Variants in GOLGA3 observed in about 807,000 individuals in gnomAD.
The protein encoded by GOLGA3 is golgin subfamily A member 3.
GOLGA3 carries 75 observed loss-of-function variants against 169.4 expected under a neutral mutation model. The ratio of observed to expected loss-of-function variants is 0.44; its 90% CI spans 0.37 to 0.54. The LOEUF (loss-of-function observed/expected upper bound fraction) is 0.54, where lower values mean the gene tolerates loss of function less well. Among genes scored for constraint, GOLGA3 ranks in the 20% least tolerant of loss-of-function variants. GOLGA3 has a pLI of 0.00. For missense variants in GOLGA3, 1,899 were observed against 1,930.0 expected (o/e 0.98, Z 0.30); for synonymous variants, 824 against 822.4 (o/e 1.00, Z -0.03).
At chr12:132,807,376 T>C (rs1331383248) in intron 5 of GOLGA3, 88 bp from the exon 6 acceptor site, 2 of 658,250 alleles carry the variant, frequency 3.0e-6, no homozygotes, top group African/African-American at 1.8e-5. Flanking sequence ...CACACACCCC[T>C]GCTGCTCTCT....
At chr12:132,793,873 G>T (rs990599390) in intron 11 of GOLGA3, among the ~76,000 whole-genome samples, 1 of 152,170 alleles carries the variant, frequency 6.6e-6, no homozygotes, top group Admixed American at 6.5e-5. Flanking sequence ...CACATGGGGC[G>T]GCCGACTCCA....
Position 132,795,984 on chromosome 12 carries a change from C to T in GOLGA3, c.2337G>A (p.Glu779=). The T allele has an allele frequency of 6.2e-7, 1 of 1,613,776 alleles. No individual in the cohort carries two copies. Among genetic ancestry groups the T allele is most frequent in the Non-Finnish European group, 8.5e-7 (1 of 1,180,034 alleles). ...CLLQNEKIIL[E]AALQAAKSGK... ...CACTCTTGGCCGCCTGCAAAGCCGC[C>T]TCCAAGATGATCTTCTCGTTCTGCA... Residue 779 remains glutamate, a synonymous_variant, in exon 11 of 24, where the codon GAG becomes GAA. Coordinates refer to ENST00000450791, the MANE Select transcript of GOLGA3 (RefSeq NM_001389683.1).
Position 132,816,631 on chromosome 12 carries a change from C to T in GOLGA3, c.315G>A (p.Arg105=). Residue 105 remains arginine (R), a synonymous_variant, in exon 3 of 24, where the codon AGG becomes AGA. Coordinates refer to ENST00000450791, the MANE Select transcript of GOLGA3 (RefSeq NM_001389683.1). ...CCTCAGCACTAGTTCCCTGAGACTTCCTTAGGTTGTCATGGAAACCAGCCA... is the reference window on the plus strand; with the variant it reads ...CCTCAGCACTAGTTCCCTGAGACTTTCTTAGGTTGTCATGGAAACCAGCCA... ...PGVAGFHDNL[R]KSQGTSAEGS... is the part of the protein sequence containing the mutation. 1 of 1,614,154 alleles carries T rather than the reference C, an allele frequency of 6.2e-7. No homozygotes were observed. The highest frequency in any genetic ancestry group is 8.5e-7 in the Non-Finnish European group (1 of 1,179,990).
At chr12:132,788,092 C>G (rs1003281728) in intron 13 of GOLGA3, among the ~76,000 whole-genome samples, 1 of 152,026 alleles carries the variant, frequency 6.6e-6, no homozygotes, top group African/African-American at 2.4e-5. Context: ...GCTGAGTCCT[C>G]CAAGCCTCCT....
Position 132,777,825 on chromosome 12 carries a change from G to A in GOLGA3, c.3583-20C>T, listed in dbSNP as rs765841270. ...AGCCACCTAGGAGGAAGGAAGCCACGTTGTCCATGCCCTGCGTGACACCCA... is the reference window on the plus strand; with the variant it reads ...AGCCACCTAGGAGGAAGGAAGCCACATTGTCCATGCCCTGCGTGACACCCA... On this transcript the variant is annotated intron_variant, in intron 18 of 23. Coordinates refer to ENST00000450791, the MANE Select transcript of GOLGA3 (RefSeq NM_001389683.1). The surrounding 1 kb of genome is among the most constrained non-coding windows in gnomAD (Gnocchi z 4.7). The A allele has an allele frequency of 6.4e-5, 103 of 1,612,692 alleles. No homozygotes were observed. The Admixed American group carries it at 1.3e-3, about 21-fold the overall frequency.
At chr12:132,815,355 C>T (rs769999176) in intron 3 of GOLGA3, among the ~76,000 whole-genome samples, 2 of 152,196 alleles carry the variant, frequency 1.3e-5, no homozygotes, top group South Asian at 2.1e-4. Flanking sequence ...AAGGTGTGCA[C>T]GTAGACCCAG....
chr12:132,787,542 C>T (rs1168591009), intron 13 of GOLGA3, among the ~76,000 whole-genome samples: 15 of 140,284 alleles, frequency 1.1e-4, no homozygotes, highest in African/African-American at 3.8e-4. Flanking sequence ...CCAGACCCCT[C>T]CCCCAGAGCC....
Position 132,773,027 on chromosome 12 carries a change from C to A in GOLGA3, c.*78G>T. ...ACTTAAATTTCATGTCTTAGAAAAA[C>A]ATCGACCACACAATCAAATAAATAA... On this transcript the variant is annotated 3_prime_UTR_variant, in exon 24 of 24. Transcript: ENST00000450791. 1 of 1,080,570 alleles carries A rather than the reference C, an allele frequency of 9.3e-7. No homozygotes were observed. The highest frequency in any genetic ancestry group is 1.7e-5 in the South Asian group (1 of 58,778). 66.9% of individuals were successfully genotyped at this position (1,080,570 alleles called of 1,614,324 possible).
At chr12:132,807,100 A>C (rs954580688) in intron 6 of GOLGA3, 77 bp downstream of exon 6, 16 of 827,808 alleles carry the variant, frequency 1.9e-5, no homozygotes, top group Non-Finnish European at 3.2e-5. Flanking sequence ...CATCTGTGAA[A>C]CCTCGTACCC....
chr12:132,779,947 GTA>G (rs1349846976), intron 18 of GOLGA3, among the ~76,000 whole-genome samples: 10 of 113,034 alleles, frequency 8.8e-5, no homozygotes, highest in Non-Finnish European at 1.7e-4. Flanking sequence ...GCACACACGC[GTA>G]TACAGACATC....
intron 15 of GOLGA3, among the ~76,000 whole-genome samples, chr12:132,786,026 C>CTG: frequency 6.6e-6 from 1 of 152,230 alleles, no homozygotes; most frequent in Non-Finnish European, 1.5e-5. Context: ...AGCTGGAACG[C>CTG]GAGCGGACCA....
In GOLGA3 at chr12:132,772,673, C is replaced by T. The variant is rs769403188; in HGVS notation, c.*432G>A. 25 of 156,524 alleles carry T rather than the reference C, an allele frequency of 1.6e-4. No individual in the cohort carries two copies. Among genetic ancestry groups the T allele is most frequent in the East Asian group, 1.1e-3 (6 of 5,392 alleles). 9.7% of individuals were successfully genotyped at this position (156,524 alleles called of 1,614,324 possible). A position where few individuals can be genotyped will look rare whatever the true frequency, so the allele number is the denominator to read the frequency against. On this transcript the variant is annotated 3_prime_UTR_variant, in exon 24 of 24. Coordinates refer to ENST00000450791, the MANE Select transcript of GOLGA3 (RefSeq NM_001389683.1). ...AGGTACAGATAAAATTTCATTTCTGCGGAAAAGTAAAGCTCTTACTGAATG... is the reference window on the plus strand; with the variant it reads ...AGGTACAGATAAAATTTCATTTCTGTGGAAAAGTAAAGCTCTTACTGAATG...
chr12:132,784,333 T>C (rs142345229), intron 15 of GOLGA3, 26 bp from the exon 16 acceptor site: 8 of 1,591,458 alleles, frequency 5.0e-6, no homozygotes, highest in Non-Finnish European at 6.8e-6. Flanking sequence ...GAACGGGCGC[T>C]TGGTCATGGG....
At chr12:132,782,751 C>T (rs1305952745) in intron 16 of GOLGA3, among the ~76,000 whole-genome samples, 2 of 152,020 alleles carry the variant, frequency 1.3e-5, no homozygotes, top group Non-Finnish European at 2.9e-5. Flanking sequence ...TGGCACATGC[C>T]TTTAGTCCCA....
In GOLGA3 at chr12:132,769,006, CTT is replaced by C. The variant is rs1229768335; in HGVS notation, c.*4097_*4098del. ...AATCAACGTGCTTTTTAAAGTTACA[CTT>C]TGTCAGACACGGTGACCCCTTTCCC... On this transcript the variant is annotated 3_prime_UTR_variant, in exon 24 of 24. Transcript: ENST00000450791. The C allele has an allele frequency of 9.8e-5, 15 of 152,682 alleles. No individual in the cohort carries two copies. Among genetic ancestry groups the C allele is most frequent in the Admixed American group, 9.2e-4 (14 of 15,280 alleles). The allele number at this position is 152,682 out of a possible 1,614,324, so 9.5% of individuals were successfully genotyped here. A position where few individuals can be genotyped will look rare whatever the true frequency, so the allele number is the denominator to read the frequency against.
intron 1 of GOLGA3, among the ~76,000 whole-genome samples, chr12:132,822,535 G>A (rs554521065): frequency 1.2e-4 from 19 of 152,200 alleles, no homozygotes; most frequent in Admixed American, 7.9e-4. Flanking sequence ...TGTCTGTATC[G>A]GTGCCAACTA....
At chr12:132,811,285 C>G (rs1406105241) in intron 4 of GOLGA3, among the ~76,000 whole-genome samples, 2 of 152,122 alleles carry the variant, frequency 1.3e-5, no homozygotes, top group Non-Finnish European at 2.9e-5. Context: ...GGGAGAAAAC[C>G]CACTGACCCT....
At chr12:132,802,026 A>G in intron 7 of GOLGA3, 57 bp from the exon 8 acceptor site, 1 of 1,367,908 alleles carries the variant, frequency 7.3e-7, no homozygotes, top group South Asian at 1.2e-5. Context: ...GGGAGTCCGC[A>G]GCTCCGCGCG....
At position 132,801,880 on chromosome 12, in the gene GOLGA3, C is replaced by T. The variant is rs775427584; in HGVS notation, c.1687G>A (p.Ala563Thr). The change falls in exon 8 of 24, where the codon GCG (alanine) becomes ACG (threonine). Residue 563 changes from alanine to threonine, a missense_variant. Transcript: ENST00000450791. Reference protein sequence around the residue: ...ERTTLTSKLKASQAEISSLQS... With the variant: ...ERTTLTSKLKTSQAEISSLQS... ...AGGGACGAGATCTCCGCCTGCGACGCCTTCAGCTTGCTGGTCAGCGTCGTC... is the reference window on the plus strand; with the variant it reads ...AGGGACGAGATCTCCGCCTGCGACGTCTTCAGCTTGCTGGTCAGCGTCGTC... 1 of 1,604,578 alleles carries T rather than the reference C, an allele frequency of 6.2e-7. No individual in the cohort carries two copies. Among genetic ancestry groups the T allele is most frequent in the African/African-American group, 1.3e-5 (1 of 75,070 alleles).
Sources: gnomAD v4.1 joint callset for allele counts (sites outside exome capture counted in the v4.1 genomes callset) on GRCh38, gnomAD v4.1.1 for gene constraint, Gnocchi (gnomAD v3.1) non-coding constraint, MANE v1.5 for transcripts, NCBI Gene and HGNC (gene_info 2026-07-23, HGNC 2026-07-21) for gene names.